LINGO2: variants seen among roughly 807,000 people sequenced by gnomAD.
LINGO2 encodes the protein leucine rich repeat and Ig domain containing 2.
In LINGO2, 14 loss-of-function variants were observed where a neutral mutation model predicts 30.6. The ratio of observed to expected loss-of-function variants is 0.46; its 90% CI spans 0.30 to 0.72. The LOEUF (loss-of-function observed/expected upper bound fraction) is 0.72, where lower values mean the gene tolerates loss of function less well. Ranked by LOEUF, LINGO2 falls within the 30% of genes least tolerant of loss-of-function variation. The probability of loss-of-function intolerance (pLI) is 0.07; values close to 1 mark genes in which losing one functional copy is unlikely to be tolerated. For synonymous variants in LINGO2, 317 were observed against 288.5 expected, an observed-to-expected ratio of 1.10 and a Z score of -1.00; for missense variants, 729 against 751.7, an observed-to-expected ratio of 0.97 and a Z score of 0.35.
At chr9:28,442,416 T>C (rs1824235177) in intron 2 of LINGO2, among the ~76,000 whole-genome samples, 1 of 152,136 alleles carries the variant, frequency 6.6e-6, no homozygotes, top group Non-Finnish European at 1.5e-5. Flanking sequence ...TATATACATA[T>C]ATCAAAACAT....
chr9:29,204,431 C>A, the LINGO2 span, among the ~76,000 whole-genome samples: 1 of 149,450 alleles, frequency 6.7e-6, no homozygotes. Context: ...CTCTCAAGGG[C>A]AGGATTATAT....
chr9:28,108,549 A>T (rs1826667589), intron 4 of LINGO2, among the ~76,000 whole-genome samples: 2 of 152,098 alleles, frequency 1.3e-5, no homozygotes, highest in South Asian at 2.1e-4. Context: ...TAGGGAAGGG[A>T]AAGAAAAAAT....
At chr9:28,062,546 T>C (rs930256289) in intron 4 of LINGO2, among the ~76,000 whole-genome samples, 1 of 131,650 alleles carries the variant, frequency 7.6e-6, no homozygotes, top group African/African-American at 2.8e-5. Context: ...ATATACTATA[T>C]ATTGTATATA....
At chr9:28,776,033 T>C in the LINGO2 span, among the ~76,000 whole-genome samples, 1 of 152,200 alleles carries the variant, frequency 6.6e-6, no homozygotes, top group Non-Finnish European at 1.5e-5. Context: ...GAGTGTGTGT[T>C]TGATGGGTTC....
intron 1 of LINGO2, among the ~76,000 whole-genome samples, chr9:28,594,489 G>A (rs1160624672): frequency 6.6e-6 from 1 of 152,052 alleles, no homozygotes; most frequent in Non-Finnish European, 1.5e-5. Context: ...GCACTAAGGG[G>A]ATGCCTAGTT....
At chr9:28,895,468 C>T in the LINGO2 span, among the ~76,000 whole-genome samples, 2 of 152,150 alleles carry the variant, frequency 1.3e-5, no homozygotes, top group Non-Finnish European at 2.9e-5. Context: ...TGCCTGTCCA[C>T]CCTCTCACTC....
intron 2 of LINGO2, among the ~76,000 whole-genome samples, chr9:28,433,941 CTCTCTCTCTATA>C (rs746595881): frequency 1.0e-4 from 5 of 49,688 alleles, no homozygotes; most frequent in Admixed American, 2.9e-4. Flanking sequence ...CTCTCTCTCT[CTCTCTCTCTATA>C]TATATATATA....
At chr9:28,491,689 A>G (rs1031461453) in intron 1 of LINGO2, among the ~76,000 whole-genome samples, 20 of 152,192 alleles carry the variant, frequency 1.3e-4, no homozygotes, top group African/African-American at 4.8e-4. Flanking sequence ...TATATCAGCT[A>G]CAAGTGCAAT....
the LINGO2 span, among the ~76,000 whole-genome samples, chr9:28,737,270 G>T: frequency 6.6e-6 from 1 of 152,184 alleles, no homozygotes; most frequent in Admixed American, 6.5e-5. Context: ...CTTGGTGCCA[G>T]ATATGTGATA....
chr9:28,368,295 T>C (rs1040791864), intron 3 of LINGO2, among the ~76,000 whole-genome samples: 1 of 152,158 alleles, frequency 6.6e-6, no homozygotes, highest in Admixed American at 6.5e-5. Flanking sequence ...TCTGGGTGTG[T>C]TTGCTGGACC....
At chr9:27,995,992 G>A (rs1821642276) in intron 5 of LINGO2, among the ~76,000 whole-genome samples, 1 of 152,006 alleles carries the variant, frequency 6.6e-6, no homozygotes, top group African/African-American at 2.4e-5. Flanking sequence ...AAAAATGTTA[G>A]AACTGATAAA....
At chr9:28,907,348 A>G in the LINGO2 span, among the ~76,000 whole-genome samples, 1 of 152,082 alleles carries the variant, frequency 6.6e-6, no homozygotes, top group Non-Finnish European at 1.5e-5. Context: ...AGCTATTCAC[A>G]TAGTGGAAAG....
At chr9:29,165,267 A>T in the LINGO2 span, among the ~76,000 whole-genome samples, 1 of 152,156 alleles carries the variant, frequency 6.6e-6, no homozygotes, top group Non-Finnish European at 1.5e-5. Flanking sequence ...ATTTTTAAAT[A>T]CACATTTATT....
chr9:28,469,252 T>G (rs2135160596), intron 2 of LINGO2, among the ~76,000 whole-genome samples: 1 of 149,148 alleles, frequency 6.7e-6, no homozygotes, highest in African/African-American at 2.5e-5. Context: ...CTAAAACTAT[T>G]AAGTCTGAAG....
chr9:28,867,605 A>G, the LINGO2 span, among the ~76,000 whole-genome samples: 1 of 152,194 alleles, frequency 6.6e-6, no homozygotes, highest in South Asian at 2.1e-4. Flanking sequence ...AAAAACTTTC[A>G]TTATCAAGCA....
the LINGO2 span, among the ~76,000 whole-genome samples, chr9:28,714,927 T>G: frequency 6.6e-6 from 1 of 152,164 alleles, no homozygotes; most frequent in Non-Finnish European, 1.5e-5. Flanking sequence ...AGATGAACAA[T>G]GTGATATTTA....
intron 4 of LINGO2, among the ~76,000 whole-genome samples, chr9:28,040,325 G>A (rs936623385): frequency 6.6e-6 from 1 of 151,828 alleles, no homozygotes; most frequent in African/African-American, 2.4e-5. Flanking sequence ...CTAAAAATAA[G>A]TCTGAATTTC....
At chr9:28,431,040 G>GAGAA (rs1228040795) in intron 2 of LINGO2, among the ~76,000 whole-genome samples, 1 of 76,310 alleles carries the variant, frequency 1.3e-5, no homozygotes, top group East Asian at 2.3e-4. Flanking sequence ...GAGAGAGAGA[G>GAGAA]AGAGAGAGAG....
chr9:28,376,611 C>T (rs1468623657), intron 2 of LINGO2, among the ~76,000 whole-genome samples: 2 of 152,186 alleles, frequency 1.3e-5, no homozygotes, highest in African/African-American at 2.4e-5. Context: ...ACAGGCAGCT[C>T]ATGCTAATGA....
Sources: allele counts gnomAD v4.1 joint callset (sites outside exome capture counted in the v4.1 genomes callset), GRCh38; gene constraint gnomAD v4.1.1; transcripts MANE v1.5; gene names NCBI Gene and HGNC (gene_info 2026-07-23, HGNC 2026-07-21).